Variants in CDK14 observed in about 807,000 individuals in gnomAD.
The protein encoded by CDK14 is cyclin-dependent kinase 14.
Under a neutral mutation model 60.7 loss-of-function variants are expected in CDK14, and 34 were observed. That is an observed-to-expected ratio of 0.56 (90% CI 0.43 to 0.75). The LOEUF (loss-of-function observed/expected upper bound fraction) is 0.75. CDK14 is among the 30% of genes least tolerant of loss of function. The probability of loss-of-function intolerance (pLI) is 0.00; values close to 1 mark genes in which losing one functional copy is unlikely to be tolerated. For missense variants in CDK14, 482 were observed against 564.1 expected (o/e 0.85, Z 1.47); for synonymous variants, 197 against 203.7 (o/e 0.97, Z 0.28).
intron 2 of CDK14, among the ~76,000 whole-genome samples, chr7:90,682,904 A>T (rs966605932): frequency 1.3e-5 from 2 of 152,174 alleles, no homozygotes; most frequent in Non-Finnish European, 2.9e-5. Flanking sequence ...TGGGAATGTT[A>T]TGTAACTGAT....
intron 10 of CDK14, among the ~76,000 whole-genome samples, chr7:91,028,210 T>TG (rs1796656101): frequency 6.6e-6 from 1 of 151,700 alleles, no homozygotes; most frequent in Non-Finnish European, 1.5e-5. Flanking sequence ...TCCAAGTTGC[T>TG]GCACTGCAAG....
intron 10 of CDK14, among the ~76,000 whole-genome samples, chr7:91,015,688 C>T (rs746523999): frequency 4.6e-5 from 7 of 151,258 alleles, no homozygotes; most frequent in African/African-American, 7.3e-5. Flanking sequence ...CCACCATGCC[C>T]GGCTAATTTT....
intron 8 of CDK14, among the ~76,000 whole-genome samples, chr7:90,926,354 A>G (rs1793414736): frequency 6.6e-6 from 1 of 152,192 alleles, no homozygotes; most frequent in Non-Finnish European, 1.5e-5. Context: ...AATGCTTCTC[A>G]CAGTAGACTA....
chr7:90,709,612 C>CA, intron 2 of CDK14: 1 of 1,611,282 alleles, frequency 6.2e-7, no homozygotes, highest in Non-Finnish European at 8.5e-7. Flanking sequence ...ACTCCACAGG[C>CA]AAGTCCATCG....
intron 5 of CDK14, among the ~76,000 whole-genome samples, chr7:90,800,190 A>AT (rs1203408912): frequency 6.6e-6 from 1 of 151,888 alleles, no homozygotes; most frequent in African/African-American, 2.4e-5. Context: ...TATTCATTCT[A>AT]TTAGAATTCT....
chr7:90,695,341 A>T (rs1448448682), intron 2 of CDK14, among the ~76,000 whole-genome samples: 1 of 152,250 alleles, frequency 6.6e-6, no homozygotes, highest in African/African-American at 2.4e-5. Context: ...CTTTGGCGTC[A>T]TACCATGTGT....
rs758261750 is a variant in CDK14 at position 91,092,759 on chromosome 7, C to T, written c.1154+13279C>T. On this transcript the variant is annotated intron_variant, in intron 12 of 14. Transcript: ENST00000380050. ...AGGACTTGCAACTAGAAGGAGAACA[C>T]GAGGTACCACTACTTAACTCTTCCT... is the stretch of plus-strand genomic sequence containing the variant. Among the ~76,000 whole-genome samples, 20 of 152,232 alleles carry T rather than the reference C, an allele frequency of 1.3e-4. No homozygotes were observed. The South Asian group carries it at 1.9e-3, about 14-fold the overall frequency.
chr7:91,140,047 C>T (rs1319728946), intron 14 of CDK14, among the ~76,000 whole-genome samples: 1 of 152,068 alleles, frequency 6.6e-6, no homozygotes, highest in African/African-American at 2.4e-5. Context: ...CAGTGAATAC[C>T]TCTCCCTGCA....
At chr7:91,205,533 C>G (rs1403534657) in intron 14 of CDK14, among the ~76,000 whole-genome samples, 1 of 152,082 alleles carries the variant, frequency 6.6e-6, no homozygotes, top group Non-Finnish European at 1.5e-5. Flanking sequence ...GGGGCTGGGA[C>G]AAGGAGAGAA....
chr7:90,823,662 G>A (rs141131977), intron 5 of CDK14, among the ~76,000 whole-genome samples: 78 of 152,244 alleles, frequency 5.1e-4, no homozygotes, highest in African/African-American at 1.6e-3. Flanking sequence ...GCTGGGCATC[G>A]GCACTTAGTC....
chr7:90,805,291 A>G (rs942696343), intron 5 of CDK14, among the ~76,000 whole-genome samples: 4 of 152,124 alleles, frequency 2.6e-5, no homozygotes, highest in Admixed American at 6.6e-5. Flanking sequence ...ACATCTCAAA[A>G]TCATTTAATG....
At chr7:90,743,869 T>A (rs1202656446) in intron 3 of CDK14, among the ~76,000 whole-genome samples, 1 of 152,194 alleles carries the variant, frequency 6.6e-6, no homozygotes, top group East Asian at 1.9e-4. Flanking sequence ...TACTCTTTTT[T>A]AATCTCTTCT....
intron 5 of CDK14, among the ~76,000 whole-genome samples, chr7:90,806,915 G>T (rs963365991): frequency 1.3e-5 from 2 of 152,228 alleles, no homozygotes; most frequent in Admixed American, 6.5e-5. Flanking sequence ...CAGCGAGGCT[G>T]GGGGAGGGGC....
At position 90,802,914 on chromosome 7, in the gene CDK14, A is replaced by G. The variant is rs377104776; in HGVS notation, c.544+12262A>G. On this transcript the variant is annotated intron_variant, in intron 5 of 14. Coordinates refer to ENST00000380050, the MANE Select transcript of CDK14 (RefSeq NM_001287135.2). Reference sequence around the variant, plus strand: ...AATATAGTTATTTGAATTTTCTTCTATATTGTCACTTTCATTTATTTCTGC... The same window carrying G: ...AATATAGTTATTTGAATTTTCTTCTGTATTGTCACTTTCATTTATTTCTGC... 3.9e-5 allele frequency among the ~76,000 whole-genome samples: 6 copies of G among 152,244 alleles called. No individual in the cohort carries two copies. In the East Asian group the frequency reaches 7.7e-4, roughly 20 times the overall value.
chr7:90,782,157 G>T (rs1009763144), intron 4 of CDK14, among the ~76,000 whole-genome samples: 1 of 151,920 alleles, frequency 6.6e-6, no homozygotes, highest in East Asian at 1.9e-4. Flanking sequence ...GGATTCCTAG[G>T]TATTTTATTC....
intron 9 of CDK14, among the ~76,000 whole-genome samples, chr7:90,977,400 G>C (rs751347293): frequency 6.6e-6 from 1 of 152,030 alleles, no homozygotes; most frequent in Non-Finnish European, 1.5e-5. Context: ...TATATAATGC[G>C]GAAGGAATGT....
chr7:90,623,484 A>T (rs1406163132), intron 2 of CDK14, among the ~76,000 whole-genome samples: 1 of 152,202 alleles, frequency 6.6e-6, no homozygotes, highest in Non-Finnish European at 1.5e-5. Flanking sequence ...GGAAAGAAGG[A>T]AGGAAAAAAA....
intron 14 of CDK14, among the ~76,000 whole-genome samples, chr7:91,142,058 T>G (rs1179478665): frequency 6.6e-6 from 1 of 152,042 alleles, no homozygotes; most frequent in African/African-American, 2.4e-5. Context: ...TCTCCTGACC[T>G]CGTGATCTGC....
At chr7:90,651,195 A>C (rs1041262872) in intron 2 of CDK14, among the ~76,000 whole-genome samples, 2 of 152,138 alleles carry the variant, frequency 1.3e-5, no homozygotes, top group Non-Finnish European at 2.9e-5. Context: ...TTGGATTCCT[A>C]GGTATTTTAT....
Sources: gnomAD v4.1 joint callset for allele counts (sites outside exome capture counted in the v4.1 genomes callset) on GRCh38, gnomAD v4.1.1 for gene constraint, MANE v1.5 for transcripts, NCBI Gene and HGNC (gene_info 2026-07-23, HGNC 2026-07-21) for gene names.